The following NPAS3 variants were observed in gnomAD, a reference collection of about 807,000 sequenced individuals.
NPAS3 encodes neuronal PAS domain-containing protein 3.
Under a neutral mutation model 73.1 loss-of-function variants are expected in NPAS3, and 14 were observed. That is an observed-to-expected ratio of 0.19 (90% CI 0.13 to 0.30). The LOEUF (loss-of-function observed/expected upper bound fraction) is 0.30. Among genes scored for constraint, NPAS3 ranks in the 10% least tolerant of loss-of-function variants. NPAS3 has a pLI of 1.00. For synonymous variants in NPAS3, 620 were observed against 541.5 expected, an observed-to-expected ratio of 1.14 and a Z score of -2.01; for missense variants, 1,096 against 1,250.0, an observed-to-expected ratio of 0.88 and a Z score of 1.86.
intron 3 of NPAS3, among the ~76,000 whole-genome samples, chr14:33,329,800 A>C (rs915960798): frequency 6.6e-6 from 1 of 151,992 alleles, no homozygotes; most frequent in African/African-American, 2.4e-5. Context: ...TGTTTTGAGG[A>C]TTAAAAGTGG....
intron 3 of NPAS3, among the ~76,000 whole-genome samples, chr14:33,235,503 G>T (rs998106222): frequency 5.3e-5 from 8 of 151,910 alleles, no homozygotes; most frequent in African/African-American, 1.9e-4. Context: ...AATCCTCTTT[G>T]GTGTTCTCTG....
At chr14:33,198,866 C>T (rs977101763) in intron 2 of NPAS3, among the ~76,000 whole-genome samples, 39 of 152,306 alleles carry the variant, frequency 2.6e-4, no homozygotes, top group East Asian at 9.7e-4. Context: ...CTGCAGGTCC[C>T]GGAGCCCTGC....
intron 2 of NPAS3, among the ~76,000 whole-genome samples, chr14:33,098,492 A>G (rs1404683176): frequency 6.6e-6 from 1 of 152,164 alleles, no homozygotes; most frequent in East Asian, 1.9e-4. Flanking sequence ...ATGTATTTCA[A>G]TACTCAAAAT....
intron 6 of NPAS3, among the ~76,000 whole-genome samples, chr14:33,724,559 G>A (rs1040225419): frequency 6.6e-6 from 1 of 152,106 alleles, no homozygotes; most frequent in African/African-American, 2.4e-5. Context: ...CCTGAACCTT[G>A]GAGGTCGAGG....
At chr14:33,046,153 G>T (rs2040498709) in intron 1 of NPAS3, among the ~76,000 whole-genome samples, 1 of 152,146 alleles carries the variant, frequency 6.6e-6, no homozygotes, top group Non-Finnish European at 1.5e-5. Context: ...GGTATATGTG[G>T]GTCTGCCAGG....
intron 1 of NPAS3, among the ~76,000 whole-genome samples, chr14:32,996,445 C>G (rs2038575564): frequency 6.6e-6 from 1 of 152,174 alleles, no homozygotes; most frequent in Non-Finnish European, 1.5e-5. Flanking sequence ...TAGGGCATGT[C>G]AGAACCCTTC....
chr14:33,212,009 G>A (rs1329401964), intron 2 of NPAS3, among the ~76,000 whole-genome samples: 1 of 152,112 alleles, frequency 6.6e-6, no homozygotes, highest in Non-Finnish European at 1.5e-5. Context: ...TAGTACTCTA[G>A]ACATACAACC....
At chr14:33,469,479 A>G (rs1195656593) in intron 4 of NPAS3, among the ~76,000 whole-genome samples, 1 of 152,216 alleles carries the variant, frequency 6.6e-6, no homozygotes, top group East Asian at 1.9e-4. Context: ...GGACCTCACA[A>G]CTAGTATGTC....
chr14:32,955,546 T>C (rs1281300565), intron 1 of NPAS3, among the ~76,000 whole-genome samples: 4 of 152,170 alleles, frequency 2.6e-5, no homozygotes, highest in African/African-American at 9.6e-5. Flanking sequence ...ATAACCAATA[T>C]TGAGGACCAT....
intron 2 of NPAS3, among the ~76,000 whole-genome samples, chr14:33,176,232 A>G (rs1389558667): frequency 6.6e-6 from 1 of 152,254 alleles, no homozygotes; most frequent in East Asian, 1.9e-4. Context: ...GATACATAAC[A>G]TAAAATTAGC....
chr14:33,409,775 A>G (rs1251763874), intron 4 of NPAS3, among the ~76,000 whole-genome samples: 1 of 152,198 alleles, frequency 6.6e-6, no homozygotes, highest in East Asian at 1.9e-4. Context: ...GAAGAGTAAG[A>G]ATGTAGTCTT....
intron 1 of NPAS3, among the ~76,000 whole-genome samples, chr14:32,977,356 G>GCACGCACACACACACACACACA (rs71432100): frequency 7.5e-4 from 106 of 141,538 alleles, no homozygotes; most frequent in Non-Finnish European, 1.2e-3. Context: ...TCTCTGACAC[G>GCACGCACACACACACACACACA]CACACACACA....
At chr14:33,390,574 G>A (rs1416280828) in intron 4 of NPAS3, among the ~76,000 whole-genome samples, 3 of 152,180 alleles carry the variant, frequency 2.0e-5, no homozygotes, top group African/African-American at 7.2e-5. Context: ...CTTCTGTAGA[G>A]AGAGATGAGG....
intron 7 of NPAS3, among the ~76,000 whole-genome samples, chr14:33,749,636 C>T (rs2061901625): frequency 6.6e-6 from 1 of 152,120 alleles, no homozygotes; most frequent in Admixed American, 6.5e-5. Context: ...AGTGGCCAGA[C>T]CCCAAGCCCC....
At position 33,298,767 on chromosome 14, in the gene NPAS3, G is replaced by A. The variant is rs577437164; in HGVS notation, c.386-68419G>A. 2.4e-4 allele frequency among the ~76,000 whole-genome samples: 36 copies of A among 152,192 alleles called. No individual in the cohort carries two copies. The South Asian group carries it at 7.1e-3, about 30-fold the overall frequency. Reference sequence around the variant, plus strand: ...AGTGATATTTGACATTCTTTTCCACGTAAATAACAAAGGCAATAAATATTA... The same window carrying A: ...AGTGATATTTGACATTCTTTTCCACATAAATAACAAAGGCAATAAATATTA... On this transcript the variant is annotated intron_variant, in intron 3 of 11. Coordinates refer to ENST00000356141, the Ensembl canonical transcript of NPAS3.
At chr14:33,799,629 C>T (rs769830935) in intron 11 of NPAS3, 105 bp from the exon 12 acceptor site, 73 of 1,193,208 alleles carry the variant, frequency 6.1e-5, no homozygotes, top group Non-Finnish European at 8.1e-5. Context: ...GCCCTGCTCC[C>T]CGCCCCAGCC....
intron 6 of NPAS3, among the ~76,000 whole-genome samples, chr14:33,684,954 C>T (rs533703714): frequency 6.6e-6 from 1 of 152,202 alleles, no homozygotes; most frequent in Admixed American, 6.5e-5. Context: ...TTCTTGGGAC[C>T]CATGGGAAAC....
intron 1 of NPAS3, among the ~76,000 whole-genome samples, chr14:32,993,175 G>T (rs932504111): frequency 6.6e-6 from 1 of 151,550 alleles, no homozygotes; most frequent in Middle Eastern, 3.2e-3. Flanking sequence ...AGGGAAAATG[G>T]TGGTCTCTTG....
chr14:33,182,513 C>T (rs534350787), intron 2 of NPAS3, among the ~76,000 whole-genome samples: 1 of 152,246 alleles, frequency 6.6e-6, no homozygotes, highest in South Asian at 2.1e-4. Context: ...CAGTAAAATG[C>T]ATGAAAGTAT....
Sources: allele counts gnomAD v4.1 joint callset (sites outside exome capture counted in the v4.1 genomes callset), GRCh38; gene constraint gnomAD v4.1.1; transcripts MANE v1.5; gene names NCBI Gene and HGNC (gene_info 2026-07-23, HGNC 2026-07-21).